The following PDE4D variants were observed in gnomAD, a reference collection of about 807,000 sequenced individuals.
PDE4D encodes the protein 3',5'-cyclic-AMP phosphodiesterase 4D.
In PDE4D, 24 loss-of-function variants were observed where a neutral mutation model predicts 87.4. The observed-to-expected ratio is 0.27, with a 90% CI of 0.20 to 0.39. The LOEUF is 0.39. Ranked by LOEUF, PDE4D falls within the 10% of genes least tolerant of loss-of-function variation. The pLI is 1.00. For synonymous variants in PDE4D, 384 were observed against 383.2 expected (o/e 1.00, Z -0.02); for missense variants, 714 against 1,041.0 (o/e 0.69, Z 4.32).
At chr5:60,111,070 G>A (rs937091152) in intron 2 of PDE4D, among the ~76,000 whole-genome samples, 1 of 151,840 alleles carries the variant, frequency 6.6e-6, no homozygotes, top group Non-Finnish European at 1.5e-5. Flanking sequence ...TAGATGAGAG[G>A]AATGAGTTCT....
At chr5:59,347,045 A>T (rs1779726135) in intron 1 of PDE4D, among the ~76,000 whole-genome samples, 1 of 152,178 alleles carries the variant, frequency 6.6e-6, no homozygotes, top group African/African-American at 2.4e-5. Context: ...CCACTCTTTC[A>T]CTAGAGAATG....
chr5:59,566,534 ATGTGTGTGTGTGTGTGTG>A (rs34584672), intron 1 of PDE4D, among the ~76,000 whole-genome samples: 43 of 140,808 alleles, frequency 3.1e-4, no homozygotes, highest in African/African-American at 6.2e-4. Flanking sequence ...TCACAGTTTC[ATGTGTGTGTGTGTGTGTG>A]TGTGTGTGTG....
At chr5:59,153,767 G>T (rs1174412229) in intron 5 of PDE4D, among the ~76,000 whole-genome samples, 34 of 144,310 alleles carry the variant, frequency 2.4e-4, no homozygotes, top group East Asian at 1.8e-3. Flanking sequence ...TTTTTTTGTT[G>T]TTGTTGTTTT....
intron 1 of PDE4D, among the ~76,000 whole-genome samples, chr5:59,253,437 T>C (rs781756751): frequency 1.1e-4 from 16 of 152,148 alleles, no homozygotes; most frequent in Admixed American, 4.6e-4. Flanking sequence ...GTACTTGTTC[T>C]GGGAGCATCT....
In PDE4D at chr5:60,506,912, A is replaced by T. The variant is rs906136501; in HGVS notation, n.70+15139T>A. 2.0e-5 allele frequency among the ~76,000 whole-genome samples: 3 copies of T among 152,228 alleles called. No homozygotes were observed. In the East Asian group the frequency reaches 5.8e-4, roughly 29 times the overall value. ...TATAGTCTTTTAGACAATTTGAAAA[A>T]TACAAAAAGAAAAAATAAAAAGGAA... On this transcript the variant is annotated intron_variant and non_coding_transcript_variant, in intron 1 of 2. Transcript: ENST00000506510.
intron 1 of PDE4D, among the ~76,000 whole-genome samples, chr5:59,705,771 T>C (rs1174989216): frequency 6.6e-6 from 1 of 152,142 alleles, no homozygotes; most frequent in Non-Finnish European, 1.5e-5. Flanking sequence ...TTCTTCCCAA[T>C]AGTTTGAGGG....
chr5:59,516,650 TA>T (rs937704497), intron 1 of PDE4D, among the ~76,000 whole-genome samples: 4 of 152,148 alleles, frequency 2.6e-5, no homozygotes, highest in Non-Finnish European at 5.9e-5. Flanking sequence ...AGAATATTTT[TA>T]AAATTCTTAA....
intron 1 of PDE4D, among the ~76,000 whole-genome samples, chr5:60,508,853 A>G (rs1411846910): frequency 2.6e-5 from 4 of 151,878 alleles, no homozygotes; most frequent in Non-Finnish European, 2.9e-5. Context: ...TTTATCCAAC[A>G]TGCAGATTTC....
chr5:60,486,071 C>T (rs1419600474), intron 1 of PDE4D, among the ~76,000 whole-genome samples: 1 of 152,158 alleles, frequency 6.6e-6, no homozygotes, highest in Admixed American at 6.5e-5. Context: ...GATGTGAATA[C>T]TACACCAAGT....
chr5:59,885,410 T>TA (rs1219235183), intron 1 of PDE4D, among the ~76,000 whole-genome samples: 1 of 152,170 alleles, frequency 6.6e-6, no homozygotes, highest in East Asian at 1.9e-4. Flanking sequence ...TGCATTTTTC[T>TA]AAAATCCCAT....
At chr5:58,999,553 G>GTATATATATATATATATGTA (rs35776313) in intron 6 of PDE4D, 3 of 1,064,690 alleles carry the variant, frequency 2.8e-6, no homozygotes, top group Non-Finnish European at 3.8e-6. Context: ...TTGATTATAT[G>GTATATATATATATATATGTA]TATATATATA....
intron 1 of PDE4D, among the ~76,000 whole-genome samples, chr5:60,381,156 G>A (rs1761829480): frequency 6.6e-6 from 1 of 152,174 alleles, no homozygotes; most frequent in African/African-American, 2.4e-5. Flanking sequence ...ACAATGTGAT[G>A]CATGATGGCT....
At chr5:59,765,770 G>A (rs1762712420) in intron 1 of PDE4D, among the ~76,000 whole-genome samples, 1 of 152,144 alleles carries the variant, frequency 6.6e-6, no homozygotes, top group South Asian at 2.1e-4. Flanking sequence ...GCAGAAGCAA[G>A]AAATAAAAAT....
intron 1 of PDE4D, among the ~76,000 whole-genome samples, chr5:60,373,339 G>T (rs950348685): frequency 3.9e-5 from 6 of 152,094 alleles, no homozygotes; most frequent in African/African-American, 1.4e-4. Flanking sequence ...TGTACTCTCT[G>T]GTCAGCCACA....
At chr5:59,227,167 C>T (rs1226389911) in intron 1 of PDE4D, among the ~76,000 whole-genome samples, 1 of 152,158 alleles carries the variant, frequency 6.6e-6, no homozygotes, top group East Asian at 1.9e-4. Flanking sequence ...CCAAAATGCA[C>T]TCTTTCTCAA....
intron 3 of PDE4D, among the ~76,000 whole-genome samples, chr5:59,975,426 T>C (rs1410412980): frequency 6.6e-6 from 1 of 152,254 alleles, no homozygotes; most frequent in Non-Finnish European, 1.5e-5. Context: ...TCAGTTATTC[T>C]AATTCACCTG....
At chr5:59,002,808 T>TC (rs1010418035) in intron 6 of PDE4D, among the ~76,000 whole-genome samples, 1 of 152,170 alleles carries the variant, frequency 6.6e-6, no homozygotes, top group African/African-American at 2.4e-5. Context: ...CATTCATATT[T>TC]CAAAGTATTA....
intron 1 of PDE4D, among the ~76,000 whole-genome samples, chr5:59,858,069 C>A (rs1331931608): frequency 1.3e-5 from 2 of 151,876 alleles, no homozygotes; most frequent in African/African-American, 4.8e-5. Context: ...AGCAGGTAGG[C>A]TGGGTTGTTT....
intron 1 of PDE4D, among the ~76,000 whole-genome samples, chr5:59,889,454 C>A (rs1750642689): frequency 6.6e-6 from 1 of 151,884 alleles, no homozygotes; most frequent in Non-Finnish European, 1.5e-5. Flanking sequence ...GTACTCCAAC[C>A]TGGGTGACAG....
Sources: allele counts gnomAD v4.1 joint callset (sites outside exome capture counted in the v4.1 genomes callset), GRCh38; gene constraint gnomAD v4.1.1; transcripts MANE v1.5; gene names NCBI Gene and HGNC (gene_info 2026-07-23, HGNC 2026-07-21).